FAM193A: variants seen among roughly 807,000 people sequenced by gnomAD.
FAM193A encodes protein FAM193A.
In FAM193A, 22 loss-of-function variants were observed where a neutral mutation model predicts 126.5. The ratio of observed to expected loss-of-function variants is 0.17; its 90% CI spans 0.12 to 0.25. The LOEUF (loss-of-function observed/expected upper bound fraction) is 0.25, where lower values mean the gene tolerates loss of function less well. FAM193A is among the 10% of genes least tolerant of loss of function. FAM193A has a pLI of 1.00. For missense variants in FAM193A, 1,675 were observed against 1,672.8 expected, an observed-to-expected ratio of 1.00 and a Z score of -0.02; for synonymous variants, 761 against 646.8, an observed-to-expected ratio of 1.18 and a Z score of -2.68.
chr4:2,654,762 T>C (rs1010988769), intron 7 of FAM193A: 8 of 230,854 alleles, frequency 3.5e-5, no homozygotes, highest in Admixed American at 2.1e-4. Flanking sequence ...TATTGTATTA[T>C]GGTTTTATAG....
chr4:2,616,233 A>G (rs1742178993), intron 2 of FAM193A, among the ~76,000 whole-genome samples: 1 of 152,180 alleles, frequency 6.6e-6, no homozygotes, highest in Admixed American at 6.6e-5. Context: ...CATCATCATC[A>G]GCATCAGCAT....
upstream of FAM193A, chr4:2,536,579 T>TG (rs1193651035): frequency 3.2e-4 from 1 of 3,096 alleles, no homozygotes; most frequent in African/African-American, 1.4e-3. Flanking sequence ...GGGGTGGGGG[T>TG]GGGGGGTGGG....
intron 1 of FAM193A, among the ~76,000 whole-genome samples, chr4:2,590,146 AAAAG>A (rs1327079236): frequency 8.3e-4 from 124 of 149,832 alleles, no homozygotes; most frequent in East Asian, 2.4e-3. Flanking sequence ...AAAAAAAAAA[AAAAG>A]AAAGAAAGAA....
At chr4:2,557,681 G>A (rs375045695) in intron 1 of FAM193A, among the ~76,000 whole-genome samples, 2 of 152,182 alleles carry the variant, frequency 1.3e-5, no homozygotes, top group African/African-American at 4.8e-5. Flanking sequence ...GGCTGGGCAC[G>A]GTGGCTCACG....
rs75442328 is a variant in FAM193A at position 2,550,716 on chromosome 4, A to G, written c.255+13546A>G. The stretch of plus-strand genomic sequence containing the variant: ...CTCCCAAAGTGCTGGGATTACAGGC[A>G]TGAGCCACCACGCCTGTTGGTTGTT... On this transcript the variant is annotated intron_variant, in intron 1 of 20. Coordinates refer to ENST00000637812, the MANE Select transcript of FAM193A (RefSeq NM_001366318.2). 2.6e-5 allele frequency among the ~76,000 whole-genome samples: 4 copies of G among 151,808 alleles called. 1 individual carries two copies. The highest frequency in any genetic ancestry group is 1.9e-4 in the East Asian group (1 of 5,166).
chr4:2,600,909 C>T (rs1577060262), intron 2 of FAM193A, among the ~76,000 whole-genome samples: 1 of 152,208 alleles, frequency 6.6e-6, no homozygotes, highest in East Asian at 1.9e-4. Context: ...GGTTCAATTT[C>T]TTTAATGGTT....
At chr4:2,546,537 C>T (rs1038841264) in intron 1 of FAM193A, among the ~76,000 whole-genome samples, 10 of 152,090 alleles carry the variant, frequency 6.6e-5, no homozygotes, top group African/African-American at 2.2e-4. Flanking sequence ...GTAGTCTTTT[C>T]AGGAAGGTTT....
intron 7 of FAM193A, among the ~76,000 whole-genome samples, chr4:2,656,657 C>G (rs1193838454): frequency 1.3e-5 from 2 of 152,110 alleles, no homozygotes; most frequent in African/African-American, 4.8e-5. Flanking sequence ...AGGGGCAGTC[C>G]CCACTTGGGT....
chr4:2,607,151 G>A (rs1300184346), intron 2 of FAM193A, among the ~76,000 whole-genome samples: 5 of 152,164 alleles, frequency 3.3e-5, no homozygotes, highest in African/African-American at 4.8e-5. Flanking sequence ...TTCCCACTTC[G>A]TCACGCAGAA....
intron 1 of FAM193A, among the ~76,000 whole-genome samples, chr4:2,576,067 G>A (rs559821851): frequency 3.9e-5 from 6 of 152,144 alleles, no homozygotes; most frequent in South Asian, 4.2e-4. Context: ...CAGTAATACC[G>A]GGTAGCTGTG....
chr4:2,685,783 G>A (rs1030924733), intron 13 of FAM193A, among the ~76,000 whole-genome samples: 3 of 152,224 alleles, frequency 2.0e-5, no homozygotes, highest in African/African-American at 7.2e-5. Context: ...GTAGAGGACA[G>A]GCGAGTCACC....
At chr4:2,571,474 T>C (rs1200835048) in intron 1 of FAM193A, among the ~76,000 whole-genome samples, 1 of 152,170 alleles carries the variant, frequency 6.6e-6, no homozygotes, top group Non-Finnish European at 1.5e-5. Context: ...GTAGAAGTCC[T>C]ATTTTATTTA....
At chr4:2,713,222 T>C (rs1719183760) in intron 19 of FAM193A, among the ~76,000 whole-genome samples, 2 of 150,880 alleles carry the variant, frequency 1.3e-5, no homozygotes, top group Admixed American at 6.6e-5. Context: ...CTGGCCAACA[T>C]GGTGAAAACC....
rs774212724 is a variant in FAM193A at position 2,659,585 on chromosome 4, G to A, written c.1417G>A (p.Glu473Lys). The change falls in exon 9 of 21, where the codon GAG becomes AAG. Residue 473 changes from glutamate (E) to lysine (K), a missense_variant. Transcript: ENST00000637812. ...QLTNKKAVTG[E>K]NNFTDTMRHM... ...AACCAATAAGAAAGCAGTTACTGGC[G>A]AGAACAACTTCACAGACACCATGAG... 2.4e-5 allele frequency: 38 copies of A among 1,613,922 alleles called. No individual in the cohort carries two copies. Among genetic ancestry groups the A allele is most frequent in the East Asian group, 6.7e-5 (3 of 44,894 alleles).
intron 10 of FAM193A, among the ~76,000 whole-genome samples, chr4:2,660,956 CAAGA>C (rs1198011633): frequency 6.6e-6 from 1 of 152,212 alleles, no homozygotes; most frequent in Non-Finnish European, 1.5e-5. Context: ...CTCCAGGGCA[CAAGA>C]AAGAGTGTTG....
At chr4:2,731,670 C>T (rs566337410) in intron 20 of FAM193A, 105 bp from the exon 21 acceptor site, 25 of 838,796 alleles carry the variant, frequency 3.0e-5, no homozygotes, top group Middle Eastern at 3.2e-4. Flanking sequence ...CCCCTGACCC[C>T]GCAGTGAGTT....
chr4:2,639,405 T>C (rs78171149), intron 5 of FAM193A, among the ~76,000 whole-genome samples: 4,674 of 152,194 alleles, frequency 0.031, 223 homozygotes, highest in African/African-American at 0.11. Flanking sequence ...ATTTTAAAAG[T>C]ATAATTGTGA....
At chr4:2,629,417 T>C (rs1743327333) in intron 4 of FAM193A, among the ~76,000 whole-genome samples, 2 of 152,244 alleles carry the variant, frequency 1.3e-5, no homozygotes, top group South Asian at 2.1e-4. Context: ...AAAAAATTAA[T>C]GTCTGTCTGA....
intron 7 of FAM193A, among the ~76,000 whole-genome samples, chr4:2,652,405 AAAT>A (rs2109075447): frequency 6.6e-6 from 1 of 152,304 alleles, no homozygotes; most frequent in South Asian, 2.1e-4. Context: ...TGCTATAAAG[AAAT>A]ACCTGAGACT....
Sources: allele counts gnomAD v4.1 joint callset (sites outside exome capture counted in the v4.1 genomes callset), GRCh38; gene constraint gnomAD v4.1.1; transcripts MANE v1.5; gene names NCBI Gene and HGNC (gene_info 2026-07-23, HGNC 2026-07-21).